Variants in SULT1E1 observed in about 807,000 individuals in gnomAD.
SULT1E1 encodes sulfotransferase 1E1.
In SULT1E1, 36 loss-of-function variants were observed where a neutral mutation model predicts 33.6. That is an observed-to-expected ratio of 1.07 (90% CI 0.82 to 1.41). The LOEUF is 1.41. Ranked by LOEUF, SULT1E1 falls within the 40% of genes most tolerant of loss-of-function variation. The probability of loss-of-function intolerance (pLI) is 0.00; values close to 1 mark genes in which losing one functional copy is unlikely to be tolerated. For synonymous variants in SULT1E1, 121 were observed against 111.7 expected (o/e 1.08, Z -0.53); for missense variants, 371 against 345.7 (o/e 1.07, Z -0.58).
At chr4:69,828,408 A>G in the SULT1E1 span, among the ~76,000 whole-genome samples, 1 of 152,200 alleles carries the variant, frequency 6.6e-6, no homozygotes, top group African/African-American at 2.4e-5. Context: ...CACCAGGAGG[A>G]ACAAACAACT....
At chr4:69,830,830 G>T in the SULT1E1 span, among the ~76,000 whole-genome samples, 1 of 152,174 alleles carries the variant, frequency 6.6e-6, no homozygotes, top group Admixed American at 6.5e-5. Context: ...AAAGCCTGTG[G>T]CTTCTCTGTG....
chr4:69,851,635 A>G lies in SULT1E1; in HGVS notation c.370-2072T>C, dbSNP rs1368259238. Among the ~76,000 whole-genome samples the G allele has an allele frequency of 2.0e-5, 3 of 152,324 alleles. No individual in the cohort carries two copies. The East Asian group carries it at 5.8e-4, about 29-fold the overall frequency. On this transcript the variant is annotated intron_variant, in intron 4 of 7. Coordinates refer to ENST00000226444, the MANE Select transcript of SULT1E1 (RefSeq NM_005420.3). Reference sequence around the variant, plus strand: ...CATCCCATTACTGGGTATATACCCAAAGGATTATAAATCATGCTACTATAA... The same window carrying G: ...CATCCCATTACTGGGTATATACCCAGAGGATTATAAATCATGCTACTATAA...
rs1720883113 is a variant in SULT1E1 at position 69,841,391 on chromosome 4, T to C, written c.*603A>G. ...GATGATAGTAGGAAAAAAAAGTTTCTTATTTCTCATATGCATGTACAGCTC... is the reference window on the plus strand; with the variant it reads ...GATGATAGTAGGAAAAAAAAGTTTCCTATTTCTCATATGCATGTACAGCTC... On this transcript the variant is annotated 3_prime_UTR_variant, in exon 8 of 8. Transcript: ENST00000226444. The C allele has an allele frequency of 6.6e-6, 1 of 152,116 alleles. No individual in the cohort carries two copies. The highest frequency in any genetic ancestry group is 2.4e-5 in the African/African-American group (1 of 41,440). The allele number at this position is 152,116 out of a possible 1,614,324, so 9.4% of individuals were successfully genotyped here. A position where few individuals can be genotyped will look rare whatever the true frequency, so the allele number is the denominator to read the frequency against.
the SULT1E1 span, among the ~76,000 whole-genome samples, chr4:69,826,552 T>C: frequency 6.6e-6 from 1 of 151,710 alleles, no homozygotes; most frequent in Non-Finnish European, 1.5e-5. Context: ...CCACAGGTGG[T>C]TTTTTCTTTC....
At chr4:69,854,802 T>G (rs1292393409) in intron 3 of SULT1E1, among the ~76,000 whole-genome samples, 1 of 152,048 alleles carries the variant, frequency 6.6e-6, no homozygotes, top group Non-Finnish European at 1.5e-5. Flanking sequence ...TCTAACTATC[T>G]TTTTCTCTCA....
downstream of SULT1E1, among the ~76,000 whole-genome samples, chr4:69,836,610 TCTTC>T (rs937296132): frequency 6.6e-6 from 1 of 152,210 alleles, no homozygotes; most frequent in African/African-American, 2.4e-5. Flanking sequence ...TAGATCATTA[TCTTC>T]CTTCCTGAGA....
intron 2 of SULT1E1, 139 bp from the exon 3 acceptor site, chr4:69,855,565 G>A (rs762820308): frequency 9.6e-5 from 66 of 684,784 alleles, no homozygotes; most frequent in Non-Finnish European, 1.3e-4. Context: ...ACAGACTCAG[G>A]AAATATTTTC....
chr4:69,849,862 A>T (rs1721067887), intron 4 of SULT1E1, among the ~76,000 whole-genome samples: 1 of 151,986 alleles, frequency 6.6e-6, no homozygotes. Context: ...TAAGTCAGTT[A>T]CATTATTTAT....
At chr4:69,833,501 G>A in the SULT1E1 span, among the ~76,000 whole-genome samples, 1 of 152,160 alleles carries the variant, frequency 6.6e-6, no homozygotes, top group African/African-American at 2.4e-5. Flanking sequence ...ATAAACAATT[G>A]AAGGCAAGTA....
At chr4:69,848,484 T>A (rs1276452340) in intron 5 of SULT1E1, among the ~76,000 whole-genome samples, 1 of 151,942 alleles carries the variant, frequency 6.6e-6, no homozygotes, top group Non-Finnish European at 1.5e-5. Flanking sequence ...GAAGTCATTG[T>A]ATGCCTCCTC....
chr4:69,844,067 T>A lies in SULT1E1; in HGVS notation c.772+94A>T, dbSNP rs1578101829. 3 of 1,135,814 alleles carry A rather than the reference T, an allele frequency of 2.6e-6. No individual in the cohort carries two copies. In the South Asian group the frequency reaches 3.8e-5, roughly 14 times the overall value. The allele number at this position is 1,135,814 out of a possible 1,614,324, so 70.4% of individuals were successfully genotyped here. A position where few individuals can be genotyped will look rare whatever the true frequency, so the allele number is the denominator to read the frequency against. ...ACTGCTGAAGAAAACTTAAGCTGGG[T>A]TCATAGGCATTAAAATACCTCACTA... On this transcript the variant is annotated intron_variant, in intron 7 of 7. Coordinates refer to ENST00000226444, the MANE Select transcript of SULT1E1 (RefSeq NM_005420.3).
the SULT1E1 span, among the ~76,000 whole-genome samples, chr4:69,834,878 C>A: frequency 2.0e-5 from 3 of 152,118 alleles, no homozygotes; most frequent in East Asian, 5.8e-4. Flanking sequence ...TTCTATTTCG[C>A]CCCTCATTTT....
intron 7 of SULT1E1, among the ~76,000 whole-genome samples, chr4:69,843,430 T>C (rs747222615): frequency 6.6e-5 from 10 of 152,208 alleles, no homozygotes; most frequent in Admixed American, 3.9e-4. Flanking sequence ...TGTTCTGTTT[T>C]GTTTTTTTCC....
At chr4:69,835,793 T>C in the SULT1E1 span, among the ~76,000 whole-genome samples, 1 of 152,162 alleles carries the variant, frequency 6.6e-6, no homozygotes, top group Non-Finnish European at 1.5e-5. Context: ...TTTATTTATT[T>C]ATGTTATTTT....
the SULT1E1 span, among the ~76,000 whole-genome samples, chr4:69,830,067 TC>T: frequency 2.6e-5 from 4 of 152,228 alleles, no homozygotes; most frequent in South Asian, 8.3e-4. Flanking sequence ...CACTTGTCCT[TC>T]CAGTGTCCTT....
the SULT1E1 span, among the ~76,000 whole-genome samples, chr4:69,833,863 A>G: frequency 6.6e-6 from 1 of 152,260 alleles, no homozygotes; most frequent in Non-Finnish European, 1.5e-5. Context: ...AAATAATTCT[A>G]TGTTAAAAGC....
At chr4:69,858,597 T>C (rs1321818546) in intron 1 of SULT1E1, among the ~76,000 whole-genome samples, 1 of 152,144 alleles carries the variant, frequency 6.6e-6, no homozygotes, top group Non-Finnish European at 1.5e-5. Flanking sequence ...AAAACCTGCC[T>C]GATAAGTTCT....
chr4:69,844,944 T>A (rs565938704), intron 6 of SULT1E1, among the ~76,000 whole-genome samples: 6 of 152,242 alleles, frequency 3.9e-5, no homozygotes, highest in Non-Finnish European at 8.8e-5. Context: ...CACATTTCTC[T>A]CTATGCCAAT....
chr4:69,853,102 C>T (rs990101064), intron 4 of SULT1E1, among the ~76,000 whole-genome samples: 1 of 151,722 alleles, frequency 6.6e-6, no homozygotes, highest in East Asian at 1.9e-4. Flanking sequence ...TCAAATATGC[C>T]ATGTAACGGA....
Sources: allele counts gnomAD v4.1 joint callset (sites outside exome capture counted in the v4.1 genomes callset), GRCh38; gene constraint gnomAD v4.1.1; transcripts MANE v1.5; gene names NCBI Gene and HGNC (gene_info 2026-07-23, HGNC 2026-07-21).